Variants in CIROZ observed in about 807,000 individuals in gnomAD.
CIROZ encodes ciliated left-right organizer protein containing ZP-N domains, also known as ciliated left-right organizer ZP-N domains-containing protein.
chr1:10,953,568 C>T, the CIROZ span, among the ~76,000 whole-genome samples: 2 of 152,208 alleles, frequency 1.3e-5, no homozygotes, highest in African/African-American at 2.4e-5. Flanking sequence ...GGAGCCCACA[C>T]AGAGAGAGTG....
At chr1:10,954,927 T>A in the CIROZ span, 12 of 1,498,422 alleles carry the variant, frequency 8.0e-6, no homozygotes, top group Admixed American at 2.0e-5. Context: ...ATGGCATCGG[T>A]GACCAAAGGA....
At chr1:10,959,690 C>T in the CIROZ span, among the ~76,000 whole-genome samples, 3 of 152,188 alleles carry the variant, frequency 2.0e-5, no homozygotes, top group Admixed American at 2.0e-4. The surrounding 1 kb of genome is among the most constrained non-coding windows in gnomAD (Gnocchi z 4.3). Context: ...CACCTCTTCT[C>T]CCCAGGGGCA....
the CIROZ span, among the ~76,000 whole-genome samples, chr1:10,950,336 A>AT: frequency 2.0e-5 from 3 of 152,036 alleles, no homozygotes. Flanking sequence ...CGACTGGCCC[A>AT]TTTTTTAAAA....
At chr1:10,947,869 G>A in the CIROZ span, 40 of 1,609,562 alleles carry the variant, frequency 2.5e-5, no homozygotes, top group Non-Finnish European at 2.8e-5. Flanking sequence ...TGCGTGGATG[G>A]AGGGCTGGAC....
the CIROZ span, among the ~76,000 whole-genome samples, chr1:10,955,488 C>T: frequency 1.1e-4 from 16 of 152,182 alleles, no homozygotes; most frequent in African/African-American, 2.9e-4. Flanking sequence ...CTACTGAGAC[C>T]GTCTTTGGCT....
chr1:10,978,279 G>A, the CIROZ span, among the ~76,000 whole-genome samples: 1 of 149,762 alleles, frequency 6.7e-6, no homozygotes, highest in Non-Finnish European at 1.5e-5. Context: ...AAACTCCTAA[G>A]CTCAAGCGAC....
the CIROZ span, chr1:10,958,669 A>G: frequency 6.2e-7 from 1 of 1,610,512 alleles, no homozygotes; most frequent in Non-Finnish European, 8.5e-7. Flanking sequence ...TCCTAGCAGA[A>G]ACTTCCAGAG....
chr1:10,967,056 C>G, the CIROZ span, among the ~76,000 whole-genome samples: 1 of 150,438 alleles, frequency 6.6e-6, no homozygotes, highest in Non-Finnish European at 1.5e-5. Flanking sequence ...GGTTGAGGCA[C>G]GAGAATCACT....
At chr1:10,958,635 C>G in the CIROZ span, 5 of 1,539,482 alleles carry the variant, frequency 3.2e-6, no homozygotes, top group Non-Finnish European at 4.5e-6. Flanking sequence ...AAAGCTGCCT[C>G]AGAGCATCCT....
chr1:10,958,189 T>C, the CIROZ span, among the ~76,000 whole-genome samples: 2 of 152,166 alleles, frequency 1.3e-5, no homozygotes, highest in Middle Eastern at 6.8e-3. Flanking sequence ...GGTCGCCAGC[T>C]CCCATCTCAG....
the CIROZ span, among the ~76,000 whole-genome samples, chr1:10,965,947 C>T: frequency 1.3e-5 from 2 of 152,204 alleles, no homozygotes; most frequent in Non-Finnish European, 2.9e-5. Context: ...TTTGCAACTC[C>T]TCAGCACCAT....
the CIROZ span, chr1:10,955,007 C>T: frequency 2.4e-5 from 39 of 1,604,362 alleles, no homozygotes; most frequent in Non-Finnish European, 3.2e-5. Context: ...TGGAGCACCC[C>T]GGCCGCCGGA....
At chr1:10,966,061 G>A in the CIROZ span, among the ~76,000 whole-genome samples, 6 of 152,178 alleles carry the variant, frequency 3.9e-5, no homozygotes, top group African/African-American at 1.4e-4. Context: ...GGTCCAGCAG[G>A]ATATGGTGTG....
At chr1:10,947,491 T>C in the CIROZ span, among the ~76,000 whole-genome samples, 2 of 152,334 alleles carry the variant, frequency 1.3e-5, no homozygotes, top group South Asian at 2.1e-4. Context: ...CTGGCCTAGA[T>C]GCCTAGCTGT....
At chr1:10,970,533 G>A in the CIROZ span, among the ~76,000 whole-genome samples, 1 of 152,114 alleles carries the variant, frequency 6.6e-6, no homozygotes, top group African/African-American at 2.4e-5. Context: ...GGAGGCTGAG[G>A]CAGGAGAATC....
chr1:10,952,387 C>A, the CIROZ span, among the ~76,000 whole-genome samples: 121 of 152,290 alleles, frequency 7.9e-4, no homozygotes, highest in Middle Eastern at 6.8e-3. Flanking sequence ...TGTTGCTGAT[C>A]TATTTTTATA....
chr1:10,956,324 G>A, the CIROZ span, among the ~76,000 whole-genome samples: 1 of 152,034 alleles, frequency 6.6e-6, no homozygotes, highest in Non-Finnish European at 1.5e-5. Flanking sequence ...TCTAGATAGG[G>A]GGTCCCCACC....
At chr1:10,968,314 A>G in the CIROZ span, among the ~76,000 whole-genome samples, 5 of 152,040 alleles carry the variant, frequency 3.3e-5, no homozygotes, top group Non-Finnish European at 7.3e-5. Context: ...TTTTTAAAGC[A>G]TTTTTAAAGC....
At chr1:10,955,071 G>A in the CIROZ span, 10 of 1,613,942 alleles carry the variant, frequency 6.2e-6, no homozygotes, top group African/African-American at 1.3e-4. Context: ...TGTTGGACTG[G>A]TGGACTCGGA....
Sources: gnomAD v4.1 joint callset for allele counts (sites outside exome capture counted in the v4.1 genomes callset) on GRCh38, gnomAD v4.1.1 for gene constraint, Gnocchi (gnomAD v3.1) non-coding constraint, MANE v1.5 for transcripts, NCBI Gene and HGNC (gene_info 2026-07-23, HGNC 2026-07-21) for gene names.